The following GPR19 variants were observed in gnomAD, a reference collection of about 807,000 sequenced individuals.
The protein encoded by GPR19 is probable G protein-coupled receptor 19.
GPR19 carries 14 observed loss-of-function variants against 28.5 expected under a neutral mutation model. The ratio of observed to expected loss-of-function variants is 0.49; its 90% CI spans 0.32 to 0.77. The LOEUF (loss-of-function observed/expected upper bound fraction) is 0.77. GPR19 is among the 30% of genes least tolerant of loss of function. GPR19 has a pLI of 0.03. For missense variants in GPR19, 409 were observed against 504.1 expected (o/e 0.81, Z 1.81); for synonymous variants, 173 against 184.1 (o/e 0.94, Z 0.49).
At chr12:12,701,763 T>A in the GPR19 span, among the ~76,000 whole-genome samples, 94 of 152,018 alleles carry the variant, frequency 6.2e-4, no homozygotes, top group South Asian at 2.1e-3. Context: ...AAATCCTGGC[T>A]CTACAAAATA....
At chr12:12,690,336 G>A (rs543558068) in intron 2 of GPR19, among the ~76,000 whole-genome samples, 1 of 152,106 alleles carries the variant, frequency 6.6e-6, no homozygotes, top group Non-Finnish European at 1.5e-5. Flanking sequence ...ATTAAGAAGG[G>A]GAGAACATAA....
chr12:12,686,399 T>A (rs1458074701), intron 2 of GPR19, among the ~76,000 whole-genome samples: 1 of 152,224 alleles, frequency 6.6e-6, no homozygotes, highest in Non-Finnish European at 1.5e-5. Flanking sequence ...AGAAAATTCA[T>A]TTATCAAAAA....
rs1945677124 is a variant in GPR19 at position 12,661,732 on chromosome 12, T to C, written c.717A>G (p.Ile239Met). 1.2e-6 allele frequency: 2 copies of C among 1,613,942 alleles called. No homozygotes were observed. The highest frequency in any genetic ancestry group is 1.7e-5 in the Admixed American group (1 of 59,982). Residue 239 changes from isoleucine (I) to methionine (M), a missense_variant, in exon 4 of 4, where the codon ATA (isoleucine) becomes ATG (methionine). Transcript: ENST00000651487. This position sits in a 1 kb window ranked among gnomAD's most constrained non-coding sequence, Gnocchi z 4.2. ...TTATGACCTTTTGGTAAAATAAAATTATGAGGACAGATGGAATCACAAAGC... is the reference window on the plus strand; with the variant it reads ...TTATGACCTTTTGGTAAAATAAAATCATGAGGACAGATGGAATCACAAAGC... ...LVGFVIPSVL[I>M]ILFYQKVIKY...
intron 1 of GPR19, 74 bp downstream of exon 1, chr12:12,695,991 C>T (rs1380242984): frequency 6.6e-6 from 1 of 152,216 alleles, no homozygotes; most frequent in East Asian, 1.9e-4. Context: ...CACTCCTTTA[C>T]TACTTCAGTC....
chr12:12,716,619 T>TG, the GPR19 span: 28,509 of 361,732 alleles, frequency 0.079, 1,870 homozygotes, highest in South Asian at 0.12. Context: ...TTTTGTTTTT[T>TG]TTTTTTAATC....
intron 2 of GPR19, among the ~76,000 whole-genome samples, chr12:12,686,620 G>A (rs1216828784): frequency 6.6e-6 from 1 of 152,168 alleles, no homozygotes; most frequent in African/African-American, 2.4e-5. Context: ...ATGGAGGCTT[G>A]GGGGAATAAG....
chr12:12,696,786 A>G (rs527699133), upstream of GPR19, among the ~76,000 whole-genome samples: 4 of 152,354 alleles, frequency 2.6e-5, no homozygotes, highest in South Asian at 6.2e-4. Context: ...GTAATTCGTA[A>G]TGAAAGTCAT....
At chr12:12,693,660 T>C (rs997399698) in intron 2 of GPR19, among the ~76,000 whole-genome samples, 5 of 152,220 alleles carry the variant, frequency 3.3e-5, no homozygotes, top group Non-Finnish European at 7.3e-5. Context: ...ATAGAGCTCA[T>C]GATGCCCTAC....
chr12:12,699,516 G>A (rs1326526519), upstream of GPR19, among the ~76,000 whole-genome samples: 1 of 152,102 alleles, frequency 6.6e-6, no homozygotes, highest in African/African-American at 2.4e-5. Flanking sequence ...GCTGGCACAG[G>A]CCCATGCCTA....
chr12:12,699,599 T>C (rs1007613457), upstream of GPR19, among the ~76,000 whole-genome samples: 1 of 152,134 alleles, frequency 6.6e-6, no homozygotes, highest in Non-Finnish European at 1.5e-5. Flanking sequence ...GCCTGGACAA[T>C]ATAGCAAGAT....
At chr12:12,696,768 C>G (rs1365192795), upstream of GPR19, among the ~76,000 whole-genome samples, 3 of 152,206 alleles carry the variant, frequency 2.0e-5, no homozygotes, top group East Asian at 3.9e-4. Flanking sequence ...GGTTTGCTCC[C>G]TTGACGTGTA....
In GPR19 at chr12:12,675,598, C is replaced by T. The variant is rs1945919649; in HGVS notation, c.-23+8753G>A. Among the ~76,000 whole-genome samples, 3 of 152,180 alleles carry T rather than the reference C, an allele frequency of 2.0e-5. No individual in the cohort carries two copies. In the South Asian group the frequency reaches 6.2e-4, roughly 32 times the overall value. ...TGAGCCCTTAAATGCAGGGAACTTT[C>T]TCTGGCAGCAGCAGGAGAAGTCAGA... On this transcript the variant is annotated intron_variant, in intron 3 of 3. Transcript: ENST00000651487.
the GPR19 span, among the ~76,000 whole-genome samples, chr12:12,715,269 C>T: frequency 6.6e-6 from 1 of 152,126 alleles, no homozygotes; most frequent in South Asian, 2.1e-4. Context: ...GGTAGGGAGG[C>T]CTACCCTAAT....
chr12:12,708,847 G>C, the GPR19 span, among the ~76,000 whole-genome samples: 1 of 152,168 alleles, frequency 6.6e-6, no homozygotes, highest in East Asian at 1.9e-4. Flanking sequence ...AGGAGTTCAA[G>C]ACCAGCCTGG....
chr12:12,708,127 G>A, the GPR19 span, among the ~76,000 whole-genome samples: 4 of 150,238 alleles, frequency 2.7e-5, no homozygotes, highest in African/African-American at 9.8e-5. Context: ...AGCCTCCTGA[G>A]TAGCTGAGAC....
chr12:12,672,697 A>C (rs1431810563), intron 3 of GPR19, among the ~76,000 whole-genome samples: 6 of 152,150 alleles, frequency 3.9e-5, no homozygotes, highest in Admixed American at 2.0e-4. Context: ...CAGTGAGCCA[A>C]GATTGTACTA....
the GPR19 span, among the ~76,000 whole-genome samples, chr12:12,709,043 G>A: frequency 2.6e-5 from 2 of 78,108 alleles, no homozygotes; most frequent in East Asian, 6.3e-4. Context: ...GCAAGACTCC[G>A]TCTAAAAAAA....
the GPR19 span, among the ~76,000 whole-genome samples, chr12:12,711,008 A>G: frequency 4.6e-5 from 7 of 152,242 alleles, no homozygotes; most frequent in South Asian, 1.2e-3. Flanking sequence ...TGACTGTAAA[A>G]TGCTATAAAA....
At chr12:12,699,297 G>A (rs749817076), upstream of GPR19, among the ~76,000 whole-genome samples, 6 of 152,004 alleles carry the variant, frequency 3.9e-5, no homozygotes, top group East Asian at 5.8e-4. Flanking sequence ...AGCCGAGATC[G>A]TGCCACAGCA....
Sources: allele counts gnomAD v4.1 joint callset (sites outside exome capture counted in the v4.1 genomes callset), GRCh38; gene constraint gnomAD v4.1.1; non-coding constraint Gnocchi (gnomAD v3.1); transcripts MANE v1.5; gene names NCBI Gene and HGNC (gene_info 2026-07-23, HGNC 2026-07-21).